The following TTC3 variants were observed in gnomAD, a reference collection of about 807,000 sequenced individuals.
TTC3 encodes tetratricopeptide repeat domain 3, also known as E3 ubiquitin-protein ligase TTC3.
In TTC3, 180 loss-of-function variants were observed where a neutral mutation model predicts 249.6. The observed-to-expected ratio is 0.72, with a 90% CI of 0.64 to 0.82. TTC3 has a LOEUF of 0.82. TTC3 is among the 40% of genes least tolerant of loss of function. TTC3 has a pLI of 0.00. For synonymous variants in TTC3, 717 were observed against 805.0 expected (o/e 0.89, Z 1.85); for missense variants, 2,061 against 2,398.4 (o/e 0.86, Z 2.94).
At chr21:37,146,026 G>A (rs1356190962) in intron 21 of TTC3, among the ~76,000 whole-genome samples, 1 of 152,168 alleles carries the variant, frequency 6.6e-6, no homozygotes, top group Non-Finnish European at 1.5e-5. Flanking sequence ...TCCTAGGTGT[G>A]TACAGAGAAA....
chr21:37,108,398 A>C (rs2075291965), exon 11 of TTC3: 1 of 1,610,552 alleles, frequency 6.2e-7, no homozygotes, highest in Non-Finnish European at 8.5e-7. Context: ...TTAGAAATGC[A>C]CTCGGTGATG....
intron 30 of TTC3, 67 bp downstream of exon 30, chr21:37,160,925 T>C: frequency 6.9e-7 from 1 of 1,451,124 alleles, no homozygotes; most frequent in Non-Finnish European, 9.4e-7. Flanking sequence ...ACATATACAT[T>C]AGAATTGAGC....
At chr21:37,153,348 C>T in intron 27 of TTC3, 71 bp downstream of exon 27, 2 of 1,345,816 alleles carry the variant, frequency 1.5e-6, no homozygotes, top group Non-Finnish European at 2.0e-6. Flanking sequence ...GAGTCATTTT[C>T]ATTTTCCTGC....
chr21:37,190,861 C>CAGATTCATGAGGTGCTG (rs1164488018), intron 39 of TTC3, among the ~76,000 whole-genome samples: 1 of 152,054 alleles, frequency 6.6e-6, no homozygotes, highest in Non-Finnish European at 1.5e-5. Context: ...TTCAATAGAC[C>CAGATTCATGAGGTGCTG]AGATTCATGA....
intron 35 of TTC3, among the ~76,000 whole-genome samples, chr21:37,180,408 C>T (rs2082645326): frequency 6.6e-6 from 1 of 150,484 alleles, no homozygotes; most frequent in African/African-American, 2.4e-5. Context: ...TTTTTTTTTA[C>T]ACCATGGAAT....
In TTC3 at chr21:37,160,990, A is replaced by C. The variant is rs981421560; in HGVS notation, c.3096+132A>C. On this transcript the variant is annotated intron_variant, in intron 30 of 45. Transcript: ENST00000355666. ...GAGAAAGACTTTCTAGGACTTAAAG[A>C]TGTTTTGGCAGTCTTCTACATTTTG... 154 of 845,512 alleles carry C rather than the reference A, an allele frequency of 1.8e-4. No individual in the cohort carries two copies. The African/African-American group carries it at 2.3e-3, about 12-fold the overall frequency. The allele number at this position is 845,512 out of a possible 1,614,324, so 52.4% of individuals were successfully genotyped here. A position where few individuals can be genotyped will look rare whatever the true frequency, so the allele number is the denominator to read the frequency against.
intron 8 of TTC3, 42 bp downstream of exon 8, chr21:37,094,132 T>C: frequency 8.1e-7 from 1 of 1,236,290 alleles, no homozygotes; most frequent in Non-Finnish European, 1.1e-6. Flanking sequence ...ATTTGCCCAT[T>C]AGAACTTTTT....
At chr21:37,115,460 G>A (rs987229561) in intron 11 of TTC3, among the ~76,000 whole-genome samples, 4 of 152,120 alleles carry the variant, frequency 2.6e-5, no homozygotes, top group Admixed American at 2.0e-4. Flanking sequence ...AAGTCAGGGA[G>A]CACTATAATA....
At chr21:37,132,544 C>T in intron 16 of TTC3, 138 bp from the exon 17 acceptor site, 1 of 444,676 alleles carries the variant, frequency 2.2e-6, no homozygotes, top group Non-Finnish European at 4.0e-6. Flanking sequence ...AACACCTAAC[C>T]TCAGGTGATC....
At chr21:37,193,857 CAG>C (rs2084522292) in intron 41 of TTC3, 1 of 152,234 alleles carries the variant, frequency 6.6e-6, no homozygotes, top group South Asian at 2.1e-4. Context: ...CGGCGTGGAT[CAG>C]GGGCCACTAA....
At chr21:37,144,190 T>C (rs1258751084) in intron 20 of TTC3, among the ~76,000 whole-genome samples, 9 of 151,840 alleles carry the variant, frequency 5.9e-5, no homozygotes, top group Non-Finnish European at 1.5e-5. Flanking sequence ...CATGTATACC[T>C]ATGTAACAAA....
At chr21:37,190,476 T>C (rs59414060) in intron 39 of TTC3, among the ~76,000 whole-genome samples, 3,164 of 152,126 alleles carry the variant, frequency 0.021, 102 homozygotes, top group African/African-American at 0.073. Context: ...ATGAGAAAAC[T>C]TTTCTGATTA....
At chr21:37,161,273 G>A (rs1472880036) in intron 30 of TTC3, among the ~76,000 whole-genome samples, 1 of 151,930 alleles carries the variant, frequency 6.6e-6, no homozygotes, top group Non-Finnish European at 1.5e-5. Flanking sequence ...AGATAAGTAG[G>A]GCATTTTTAT....
At position 37,116,254 on chromosome 21, in the gene TTC3, A is replaced by G. The variant is rs191182257; in HGVS notation, c.901-5563A>G. Among the ~76,000 whole-genome samples the G allele has an allele frequency of 3.3e-3, 500 of 152,338 alleles. 11 individuals are homozygous for G. The highest frequency in any genetic ancestry group is 1.1e-3 in the Non-Finnish European group (72 of 68,036). Reference sequence around the variant, plus strand: ...CAACATTTATGGATTTTAAAAAGTTAAATGAAAAAGTCAATAAAACATAGG... The same window carrying G: ...CAACATTTATGGATTTTAAAAAGTTGAATGAAAAAGTCAATAAAACATAGG... On this transcript the variant is annotated intron_variant, in intron 11 of 45. Coordinates refer to ENST00000355666, the Ensembl canonical transcript of TTC3.
chr21:37,077,814 G>C (rs1280480002), intron 1 of TTC3, among the ~76,000 whole-genome samples: 1 of 152,130 alleles, frequency 6.6e-6, no homozygotes, highest in Non-Finnish European at 1.5e-5. Context: ...TATGTGCGTT[G>C]TAAATATCTT....
intron 12 of TTC3, 90 bp from the exon 13 acceptor site, chr21:37,122,893 T>C (rs567191357): frequency 2.2e-6 from 3 of 1,361,774 alleles, no homozygotes; most frequent in Admixed American, 2.2e-5. Context: ...AGGTCCTTAC[T>C]ATCAGCTTAA....
intron 42 of TTC3, among the ~76,000 whole-genome samples, chr21:37,196,870 C>T (rs1184359210): frequency 1.3e-5 from 2 of 152,336 alleles, no homozygotes; most frequent in East Asian, 1.9e-4. Context: ...TGGGAAAAAG[C>T]TGCCCTTACC....
chr21:37,162,320 A>G (rs941890097), intron 31 of TTC3, among the ~76,000 whole-genome samples: 4 of 152,196 alleles, frequency 2.6e-5, no homozygotes, highest in Non-Finnish European at 5.9e-5. Context: ...TTGAGAACCT[A>G]CCATGTGCAA....
chr21:37,137,452 T>C (rs1366702236), intron 18 of TTC3, among the ~76,000 whole-genome samples: 1 of 152,212 alleles, frequency 6.6e-6, no homozygotes, highest in South Asian at 2.1e-4. Context: ...AGGACATTAG[T>C]GGAGGAAGTC....
Sources: allele counts gnomAD v4.1 joint callset (sites outside exome capture counted in the v4.1 genomes callset), GRCh38; gene constraint gnomAD v4.1.1; transcripts MANE v1.5; gene names NCBI Gene and HGNC (gene_info 2026-07-23, HGNC 2026-07-21).